The following GRM8 variants were observed in gnomAD, a reference collection of about 807,000 sequenced individuals.
The protein encoded by GRM8 is glutamate metabotropic receptor 8.
In GRM8, 47 loss-of-function variants were observed where a neutral mutation model predicts 87.2. That is an observed-to-expected ratio of 0.54 (90% confidence interval 0.43 to 0.69). The LOEUF is 0.69. GRM8 is among the 30% of genes least tolerant of loss of function. The pLI is 0.00. For synonymous variants in GRM8, 396 were observed against 404.5 expected (o/e 0.98, Z 0.25); for missense variants, 1,019 against 1,139.2 (o/e 0.89, Z 1.52).
intron 3 of GRM8, among the ~76,000 whole-genome samples, chr7:127,015,046 G>GAAC (rs1815342283): frequency 4.9e-5 from 6 of 123,608 alleles, no homozygotes; most frequent in Admixed American, 3.5e-4. Context: ...AGAAGAAGAA[G>GAAC]AAGAAGAAGA....
chr7:126,777,904 C>T (rs1041222530), intron 6 of GRM8, among the ~76,000 whole-genome samples: 1 of 152,124 alleles, frequency 6.6e-6, no homozygotes, highest in African/African-American at 2.4e-5. Context: ...AAGACCAACG[C>T]TAATAAAGCT....
At chr7:126,524,267 A>G (rs1429035346) in intron 9 of GRM8, among the ~76,000 whole-genome samples, 1 of 152,132 alleles carries the variant, frequency 6.6e-6, no homozygotes, top group Admixed American at 6.5e-5. Context: ...TCATATGTAG[A>G]TATGTAGGCA....
rs559314299 is a variant in GRM8, at chr7:127,211,857, C to G, written c.510+30838G>C. On this transcript the variant is annotated intron_variant, in intron 2 of 10. Transcript: ENST00000339582. ...AATTTTCTATCATTTACAAATTACT[C>G]GGTCTAAGGTGTTTTGTTATAGCAA... Among the ~76,000 whole-genome samples, 6 of 152,328 alleles carry G rather than the reference C, an allele frequency of 3.9e-5. No individual in the cohort carries two copies. In the East Asian group the frequency reaches 1.2e-3, roughly 29 times the overall value.
chr7:126,453,290 T>C (rs1053378133), intron 9 of GRM8, among the ~76,000 whole-genome samples: 2 of 151,798 alleles, frequency 1.3e-5, no homozygotes, highest in African/African-American at 4.8e-5. Flanking sequence ...GCAGGTCAGA[T>C]ACATTGCACT....
chr7:127,045,312 T>G (rs1024166687), intron 3 of GRM8, among the ~76,000 whole-genome samples: 2 of 133,960 alleles, frequency 1.5e-5, no homozygotes, highest in Non-Finnish European at 1.6e-5. Context: ...TTATCTGGAG[T>G]TTTTTTTTTT....
intron 8 of GRM8, among the ~76,000 whole-genome samples, chr7:126,605,023 T>C (rs954975031): frequency 3.3e-5 from 5 of 152,102 alleles, no homozygotes; most frequent in African/African-American, 1.2e-4. Context: ...AATAAAAACA[T>C]ATGTTTCATT....
chr7:126,516,326 C>T (rs1328830733), intron 9 of GRM8, among the ~76,000 whole-genome samples: 5 of 151,886 alleles, frequency 3.3e-5, no homozygotes, highest in African/African-American at 9.7e-5. Flanking sequence ...AGTCTAGCAA[C>T]CCTATCCTAG....
At chr7:126,803,637 G>A (rs939435161) in intron 6 of GRM8, among the ~76,000 whole-genome samples, 6 of 152,134 alleles carry the variant, frequency 3.9e-5, no homozygotes, top group African/African-American at 1.4e-4. Flanking sequence ...TAGTTATTGT[G>A]AGATTTAAGC....
chr7:127,202,658 A>C (rs904403809), intron 2 of GRM8, among the ~76,000 whole-genome samples: 1 of 152,144 alleles, frequency 6.6e-6, no homozygotes, highest in Non-Finnish European at 1.5e-5. Context: ...AGGCTCTGAG[A>C]CTGAGAAGTT....
intron 8 of GRM8, among the ~76,000 whole-genome samples, chr7:126,557,860 G>A (rs1172546130): frequency 1.3e-5 from 2 of 151,876 alleles, no homozygotes; most frequent in Admixed American, 6.6e-5. Context: ...GTGCTTGCTA[G>A]GCACATGGTG....
At chr7:126,849,461 C>T (rs1396682956) in intron 6 of GRM8, among the ~76,000 whole-genome samples, 2 of 152,150 alleles carry the variant, frequency 1.3e-5, no homozygotes, top group Non-Finnish European at 2.9e-5. Flanking sequence ...TCATCTCCTA[C>T]ATTTCCTATT....
rs1815184345 is a variant in GRM8 at position 126,533,524 on chromosome 7, C to T, written c.1858G>A (p.Glu620Lys). The stretch of plus-strand genomic sequence containing the variant: ...CCCGTTAGGAGCACGTAACTAAGTT[C>T]GCGTCCTGAAGCCCTCACGATAGGT... ...DTPIVRASGR[E>K]LSYVLLTGIF... Residue 620 changes from glutamate (E) to lysine (K), a missense_variant, in exon 9 of 11, where the codon GAA becomes AAA. Transcript: ENST00000339582. The T allele has an allele frequency of 1.9e-6, 3 of 1,614,062 alleles. No individual in the cohort carries two copies. The highest frequency in any genetic ancestry group is 1.7e-6 in the Non-Finnish European group (2 of 1,179,992).
At chr7:126,493,379 A>G (rs1808282531) in intron 9 of GRM8, among the ~76,000 whole-genome samples, 1 of 152,052 alleles carries the variant, frequency 6.6e-6, no homozygotes, top group Admixed American at 6.6e-5. Flanking sequence ...AGTGACCATG[A>G]GGCTTAGGCG....
At chr7:127,221,450 T>C (rs1018646322) in intron 2 of GRM8, among the ~76,000 whole-genome samples, 2 of 152,100 alleles carry the variant, frequency 1.3e-5, no homozygotes. Flanking sequence ...CTTGCCCAAG[T>C]ATGCCCGGGA....
chr7:126,951,602 G>C (rs962437404), intron 3 of GRM8, among the ~76,000 whole-genome samples: 4 of 152,008 alleles, frequency 2.6e-5, no homozygotes, highest in Non-Finnish European at 1.5e-5. Flanking sequence ...TGAAGCTAAA[G>C]ACAAATACAA....
chr7:126,807,234 C>T (rs1180305647), intron 6 of GRM8, among the ~76,000 whole-genome samples: 2 of 151,826 alleles, frequency 1.3e-5, no homozygotes, highest in Admixed American at 1.3e-4. Flanking sequence ...TCATTGCAGT[C>T]GTAACTCTTG....
intron 6 of GRM8, among the ~76,000 whole-genome samples, chr7:126,801,333 G>A (rs1233942051): frequency 6.6e-6 from 1 of 152,058 alleles, no homozygotes; most frequent in Non-Finnish European, 1.5e-5. Context: ...GTCTATTAAA[G>A]CAACCAACAA....
intron 7 of GRM8, among the ~76,000 whole-genome samples, chr7:126,709,547 G>T (rs1034708461): frequency 5.9e-5 from 9 of 152,224 alleles, no homozygotes; most frequent in Admixed American, 5.9e-4. Flanking sequence ...AGGGTGTGGA[G>T]AAAATGAATC....
At chr7:126,887,206 G>A (rs766893905) in intron 6 of GRM8, among the ~76,000 whole-genome samples, 7 of 152,100 alleles carry the variant, frequency 4.6e-5, no homozygotes, top group African/African-American at 1.2e-4. Context: ...GAAAGGAAAC[G>A]TGTAGCTAAC....
Sources: gnomAD v4.1 joint callset for allele counts (sites outside exome capture counted in the v4.1 genomes callset) on GRCh38, gnomAD v4.1.1 for gene constraint, MANE v1.5 for transcripts, NCBI Gene and HGNC (gene_info 2026-07-23, HGNC 2026-07-21) for gene names.